The following CSMD1 variants were observed in gnomAD, a reference collection of about 807,000 sequenced individuals.
CSMD1 encodes CUB and Sushi multiple domains 1.
A neutral mutation model predicts 417.5 loss-of-function variants in CSMD1; 213 were observed. That is an observed-to-expected ratio of 0.51 (90% CI 0.46 to 0.57). CSMD1 has a LOEUF of 0.57. Ranked by LOEUF, CSMD1 falls within the 20% of genes least tolerant of loss-of-function variation. The pLI is 0.00. For synonymous variants in CSMD1, 2,862 were observed against 1,736.8 expected, an observed-to-expected ratio of 1.65 and a Z score of -16.11; for missense variants, 6,923 against 4,529.7, an observed-to-expected ratio of 1.53 and a Z score of -15.17.
intron 2 of CSMD1, among the ~76,000 whole-genome samples, chr8:4,606,477 C>G (rs930639941): frequency 6.6e-6 from 1 of 152,154 alleles, no homozygotes; most frequent in Admixed American, 6.6e-5. Context: ...TCATCCGATG[C>G]CAAGCCCTTT....
intron 26 of CSMD1, among the ~76,000 whole-genome samples, chr8:3,275,007 C>T (rs1372119396): frequency 1.4e-5 from 2 of 144,644 alleles, no homozygotes; most frequent in African/African-American, 2.6e-5. Context: ...TTAGTTGATG[C>T]AGTTTCTTCC....
intron 7 of CSMD1, among the ~76,000 whole-genome samples, chr8:3,641,155 T>C (rs1185247583): frequency 6.6e-6 from 1 of 150,678 alleles, no homozygotes; most frequent in African/African-American, 2.4e-5. Context: ...GTTCTCTGAA[T>C]CTGCACATGT....
chr8:3,052,940 C>T (rs548307702), intron 49 of CSMD1, among the ~76,000 whole-genome samples: 1 of 152,032 alleles, frequency 6.6e-6, no homozygotes, highest in South Asian at 2.1e-4. Context: ...CAGGTGCACA[C>T]CACCATGCTG....
intron 25 of CSMD1, among the ~76,000 whole-genome samples, chr8:3,290,737 G>C (rs1423006137): frequency 6.8e-6 from 1 of 146,752 alleles, no homozygotes; most frequent in South Asian, 2.1e-4. Flanking sequence ...TGAGACAATG[G>C]GGTTTTCTAG....
At chr8:3,022,888 A>G (rs1809555832) in intron 51 of CSMD1, among the ~76,000 whole-genome samples, 1 of 152,224 alleles carries the variant, frequency 6.6e-6, no homozygotes, top group Admixed American at 6.5e-5. Context: ...GCTACCATCA[A>G]TCACTGGATA....
chr8:4,200,488 A>G (rs73496531), intron 3 of CSMD1, among the ~76,000 whole-genome samples: 3,516 of 152,282 alleles, frequency 0.023, 143 homozygotes, highest in African/African-American at 0.079. Context: ...TCTCAGAGAT[A>G]ATCACTTAGG....
At chr8:4,569,729 G>A (rs150596427) in intron 2 of CSMD1, among the ~76,000 whole-genome samples, 4,788 of 152,166 alleles carry the variant, frequency 0.031, 116 homozygotes, top group Middle Eastern at 0.099. Flanking sequence ...ATTACTTTGG[G>A]CAGTATGGCC....
At chr8:4,561,042 G>T (rs1256113271) in intron 2 of CSMD1, among the ~76,000 whole-genome samples, 1 of 152,102 alleles carries the variant, frequency 6.6e-6, no homozygotes, top group Non-Finnish European at 1.5e-5. Context: ...CCAATCCACA[G>T]GAATTACAAA....
intron 1 of CSMD1, among the ~76,000 whole-genome samples, chr8:4,796,535 C>T (rs1371604008): frequency 6.6e-6 from 1 of 151,748 alleles, no homozygotes; most frequent in Non-Finnish European, 1.5e-5. Context: ...ATCCCTCAGA[C>T]ACGCTCTCAG....
In CSMD1 at chr8:3,230,201, C is replaced by A. The variant is rs1212414158; in HGVS notation, c.4184G>T (p.Gly1395Val). 2 of 1,607,028 alleles carry A rather than the reference C, an allele frequency of 1.2e-6. No individual in the cohort carries two copies. Among genetic ancestry groups the A allele is most frequent in the Non-Finnish European group, 1.7e-6 (2 of 1,176,544 alleles). ...ATAGCGGGTGCCATTTTGGGGCATA[C>A]CTGGATCGTTACAGGTGGCTGCAAT... Reference protein sequence around the residue: ...TSIAATCNDPGMPQNGTRYGD... With the variant: ...TSIAATCNDPVMPQNGTRYGD... The change falls in exon 27 of 70, where the codon GGT becomes GTT. Residue 1395 changes from glycine to valine, a missense_variant. Physicochemically the swap from Gly to Val is moderately radical, Grantham distance 109. Transcript: ENST00000635120.
At position 4,446,747 on chromosome 8, in the gene CSMD1, GTGTGTGTC is replaced by G. The variant is rs1248371273; in HGVS notation, c.303-26690_303-26683del. On this transcript the variant is annotated intron_variant, in intron 2 of 69. Coordinates refer to ENST00000635120, the MANE Select transcript of CSMD1 (RefSeq NM_033225.6). ...TGTGTGTGTGTCTGTGTGTGTGTGT[GTGTGTGTC>G]TGTGTGTGTGTGTGTGTGTGTGTGT... 9.0e-3 allele frequency among the ~76,000 whole-genome samples: 887 copies of G among 98,716 alleles called. 5 individuals carry two copies. The highest frequency in any genetic ancestry group is 0.036 in the Admixed American group (319 of 8,760). 64.8% of individuals were successfully genotyped at this position (98,716 alleles called of 152,430 possible).
At chr8:3,919,854 T>A (rs940941293) in intron 5 of CSMD1, among the ~76,000 whole-genome samples, 6 of 152,028 alleles carry the variant, frequency 3.9e-5, no homozygotes, top group Admixed American at 2.0e-4. Context: ...ACCTCCTTGG[T>A]TATTTTTTCC....
intron 23 of CSMD1, among the ~76,000 whole-genome samples, chr8:3,338,182 C>G (rs765364095): frequency 1.3e-5 from 2 of 152,150 alleles, no homozygotes; most frequent in Non-Finnish European, 2.9e-5. Flanking sequence ...TATTTGATAT[C>G]TGAATCCAGT....
chr8:3,901,240 G>A (rs900846255), intron 5 of CSMD1, among the ~76,000 whole-genome samples: 3 of 152,126 alleles, frequency 2.0e-5, no homozygotes, highest in Admixed American at 6.6e-5. Context: ...GCTTAGTAAT[G>A]TTCTTTTCCA....
chr8:4,923,538 A>T (rs1366918762), intron 1 of CSMD1, among the ~76,000 whole-genome samples: 1 of 152,084 alleles, frequency 6.6e-6, no homozygotes, highest in Non-Finnish European at 1.5e-5. Flanking sequence ...ATATATATAT[A>T]TACTATGTGC....
chr8:4,713,378 T>C (rs1354580945), intron 1 of CSMD1, among the ~76,000 whole-genome samples: 1 of 46,396 alleles, frequency 2.2e-5, no homozygotes, highest in Non-Finnish European at 4.2e-5. Flanking sequence ...TTTGTGTTTT[T>C]GTTTTGTTTT....
chr8:4,752,724 A>G (rs1811412302), intron 1 of CSMD1, among the ~76,000 whole-genome samples: 1 of 152,210 alleles, frequency 6.6e-6, no homozygotes, highest in Admixed American at 6.5e-5. Context: ...TGGGGCAACG[A>G]AAAAGTTGCT....
chr8:3,762,901 T>C (rs1798089069), intron 5 of CSMD1, among the ~76,000 whole-genome samples: 1 of 152,192 alleles, frequency 6.6e-6, no homozygotes. Context: ...TGCTACTGAA[T>C]AAAATCAACT....
At chr8:3,484,953 T>A (rs1432639316) in intron 11 of CSMD1, among the ~76,000 whole-genome samples, 2 of 151,794 alleles carry the variant, frequency 1.3e-5, no homozygotes, top group African/African-American at 4.8e-5. Flanking sequence ...GAGGACCACT[T>A]AACATCATGG....
Sources: gnomAD v4.1 joint callset for allele counts (sites outside exome capture counted in the v4.1 genomes callset) on GRCh38, gnomAD v4.1.1 for gene constraint, MANE v1.5 for transcripts, NCBI Gene and HGNC (gene_info 2026-07-23, HGNC 2026-07-21) for gene names.